Variants in PAX7 observed in about 807,000 individuals in gnomAD.
The protein encoded by PAX7 is paired box protein Pax-7.
In PAX7, 18 loss-of-function variants were observed where a neutral mutation model predicts 50.7. The ratio of observed to expected loss-of-function variants is 0.36; its 90% CI spans 0.25 to 0.53. PAX7 has a LOEUF of 0.53. Among genes scored for constraint, PAX7 ranks in the 20% least tolerant of loss-of-function variants. The probability of loss-of-function intolerance (pLI) is 0.93; values close to 1 mark genes in which losing one functional copy is unlikely to be tolerated. For missense variants in PAX7, 644 were observed against 702.9 expected, an observed-to-expected ratio of 0.92 and a Z score of 0.95; for synonymous variants, 310 against 290.4, an observed-to-expected ratio of 1.07 and a Z score of -0.69.
chr1:18,722,533 A>G, intron 7 of PAX7, among the ~76,000 whole-genome samples: 1 of 152,100 alleles, frequency 6.6e-6, no homozygotes, highest in East Asian at 1.9e-4. Context: ...TTAGTCTTTG[A>G]GCTAAACAAG....
At chr1:18,741,642 G>A (rs1931141597) in intron 8 of PAX7, among the ~76,000 whole-genome samples, 1 of 152,182 alleles carries the variant, frequency 6.6e-6, no homozygotes, top group Admixed American at 6.5e-5. Context: ...CCATCCACAG[G>A]AATAGCTGAA....
intron 4 of PAX7, among the ~76,000 whole-genome samples, chr1:18,657,756 T>G (rs1038523215): frequency 2.6e-5 from 4 of 152,218 alleles, no homozygotes; most frequent in Admixed American, 2.0e-4. Context: ...CTGCTGGCTC[T>G]CTCTCTCCTC....
intron 4 of PAX7, among the ~76,000 whole-genome samples, chr1:18,689,981 T>A (rs2089043106): frequency 6.6e-6 from 1 of 152,124 alleles, no homozygotes; most frequent in Non-Finnish European, 1.5e-5. Flanking sequence ...GTGGAAGGGG[T>A]CAGGGGCGGG....
At position 18,657,181 on chromosome 1, in the gene PAX7, T is replaced by C. The variant is rs188422794; in HGVS notation, c.586+20810T>C. 2.8e-4 allele frequency among the ~76,000 whole-genome samples: 43 copies of C among 152,162 alleles called. 1 individual carries two copies. The East Asian group carries it at 8.2e-3, about 29-fold the overall frequency. ...ATCAGGGGGACAGGTTGAGATCCCA[T>C]TGCTTTGGCATGGAGCATGGGGGTG... On this transcript the variant is annotated intron_variant, in intron 4 of 8. Transcript: ENST00000420770.
At chr1:18,723,372 C>T (rs1478568770) in intron 7 of PAX7, among the ~76,000 whole-genome samples, 1 of 152,198 alleles carries the variant, frequency 6.6e-6, no homozygotes, top group East Asian at 1.9e-4. Context: ...AAGTTGACTC[C>T]TCTCCAGGAA....
Position 18,634,291 on chromosome 1 carries a change from T to A in PAX7, c.86-12T>A. 2 of 1,608,358 alleles carry A rather than the reference T, an allele frequency of 1.2e-6. No homozygotes were observed. The highest frequency in any genetic ancestry group is 1.7e-6 in the Non-Finnish European group (2 of 1,175,808). ...CACCTCTCTCCTTCTGCATCTCCCC[T>A]CCCTTCTCCAGTGTCCACCCCGCTT... On this transcript the variant is annotated splice_polypyrimidine_tract_variant and intron_variant, in intron 1 of 8. Transcript: ENST00000420770. This position sits in a 1 kb window ranked among gnomAD's most constrained non-coding sequence, Gnocchi z 4.0.
At chr1:18,702,916 G>A (rs774199566) in intron 6 of PAX7, among the ~76,000 whole-genome samples, 178 bp from the exon 7 acceptor site, 34 of 152,188 alleles carry the variant, frequency 2.2e-4, no homozygotes, top group Non-Finnish European at 1.2e-4. Flanking sequence ...CCTGGCCAGT[G>A]CCTACTGCCC....
intron 4 of PAX7, among the ~76,000 whole-genome samples, chr1:18,691,504 G>C (rs888890717): frequency 2.6e-5 from 4 of 152,180 alleles, no homozygotes; most frequent in Admixed American, 6.5e-5. Flanking sequence ...TTTCCCTAAA[G>C]GGAAAGGTTT....
chr1:18,698,466 C>T, intron 5 of PAX7, among the ~76,000 whole-genome samples: 1 of 152,182 alleles, frequency 6.6e-6, no homozygotes, highest in Admixed American at 6.5e-5. Context: ...CTTCTCCATG[C>T]CCAGGAGGCC....
intron 4 of PAX7, among the ~76,000 whole-genome samples, chr1:18,670,306 A>G (rs563746110): frequency 1.5e-3 from 224 of 152,302 alleles, no homozygotes; most frequent in Non-Finnish European, 2.7e-3. Context: ...AATTATTTGC[A>G]TGGGTGTGGC....
chr1:18,737,544 T>G (rs1930826636), intron 8 of PAX7, among the ~76,000 whole-genome samples: 1 of 152,284 alleles, frequency 6.6e-6, no homozygotes, highest in Non-Finnish European at 1.5e-5. Flanking sequence ...TGTGTGTGTG[T>G]GCATGTGATG....
At position 18,700,618 on chromosome 1, in the gene PAX7, C is replaced by T. The variant is rs763263944; in HGVS notation, c.787-35C>T. ...TGCAGCTCTCTGCCAGGAACCTGGC[C>T]GAGGGGTCTCCATTCTCTGCTCTCC... is the stretch of plus-strand genomic sequence containing the variant. On this transcript the variant is annotated intron_variant, in intron 5 of 8. Transcript: ENST00000420770. The surrounding 1 kb of genome is among the most constrained non-coding windows in gnomAD (Gnocchi z 4.8). 13 of 1,483,640 alleles carry T rather than the reference C, an allele frequency of 8.8e-6. No individual in the cohort carries two copies. Among genetic ancestry groups the T allele is most frequent in the Middle Eastern group, 2.1e-4 (1 of 4,758 alleles). 91.9% of individuals were successfully genotyped at this position (1,483,640 alleles called of 1,614,324 possible).
At chr1:18,731,221 G>A (rs145712158) in intron 7 of PAX7, among the ~76,000 whole-genome samples, 155 of 152,338 alleles carry the variant, frequency 1.0e-3, no homozygotes, top group African/African-American at 3.5e-3. Context: ...ACCTCAGCTG[G>A]ATTCCTAACT....
At chr1:18,672,439 T>C (rs1192629266) in intron 4 of PAX7, among the ~76,000 whole-genome samples, 3 of 152,122 alleles carry the variant, frequency 2.0e-5, no homozygotes, top group African/African-American at 7.2e-5. Context: ...GGGTGCGCCA[T>C]GCACCCACCC....
At chr1:18,649,713 TC>T (rs1177925772) in intron 4 of PAX7, among the ~76,000 whole-genome samples, 5 of 152,144 alleles carry the variant, frequency 3.3e-5, no homozygotes, top group Non-Finnish European at 5.9e-5. Flanking sequence ...CTGTCCACCA[TC>T]CGGGGAACTG....
chr1:18,678,081 GAA>G (rs11349871), intron 4 of PAX7, among the ~76,000 whole-genome samples: 191 of 126,350 alleles, frequency 1.5e-3, no homozygotes, highest in African/African-American at 2.2e-3. Context: ...GACTCCGTCT[GAA>G]AAAAAAAAAA....
At chr1:18,727,371 TACA>T (rs1557555236) in intron 7 of PAX7, among the ~76,000 whole-genome samples, 29,755 of 133,544 alleles carry the variant, frequency 0.22, 3,252 homozygotes, top group Middle Eastern at 0.35. Context: ...CTCTCTCTCA[TACA>T]CACACACACA....
chr1:18,636,447 C>CCCG lies in PAX7; in HGVS notation c.586+83_586+85dup. 1 of 1,520,238 alleles carries CCCG rather than the reference C, an allele frequency of 6.6e-7. No individual in the cohort carries two copies. Among genetic ancestry groups the CCCG allele is most frequent in the Non-Finnish European group, 8.9e-7 (1 of 1,122,762 alleles). 94.2% of individuals were successfully genotyped at this position (1,520,238 alleles called of 1,614,324 possible). ...CCGGTGTGCGGGCCAGTGGTTCGCT[C>CCCG]CCGCCGCCGGAGCAGGCGACCAGAA... is the stretch of plus-strand genomic sequence containing the variant. On this transcript the variant is annotated intron_variant, in intron 4 of 8. Coordinates refer to ENST00000420770, the MANE Select transcript of PAX7 (RefSeq NM_001135254.2). This position sits in a 1 kb window ranked among gnomAD's most constrained non-coding sequence, Gnocchi z 5.1.
chr1:18,691,045 T>C (rs1363798873), intron 4 of PAX7, among the ~76,000 whole-genome samples: 1 of 152,168 alleles, frequency 6.6e-6, no homozygotes. Context: ...GGTGGTGTGA[T>C]TGGCTTACTA....
Sources: gnomAD v4.1 joint callset for allele counts (sites outside exome capture counted in the v4.1 genomes callset) on GRCh38, gnomAD v4.1.1 for gene constraint, Gnocchi (gnomAD v3.1) non-coding constraint, MANE v1.5 for transcripts, NCBI Gene and HGNC (gene_info 2026-07-23, HGNC 2026-07-21) for gene names.